The following PCDH15 variants were observed in gnomAD, a reference collection of about 807,000 sequenced individuals.
The protein encoded by PCDH15 is protocadherin related 15, also known as protocadherin-15.
Under a neutral mutation model 178.5 loss-of-function variants are expected in PCDH15, and 129 were observed. The ratio of observed to expected loss-of-function variants is 0.72; its 90% CI spans 0.63 to 0.84. The LOEUF is 0.84. Ranked by LOEUF, PCDH15 falls within the 40% of genes least tolerant of loss-of-function variation. PCDH15 has a pLI of 0.00. For missense variants in PCDH15, 2,230 were observed against 2,099.9 expected, an observed-to-expected ratio of 1.06 and a Z score of -1.21; for synonymous variants, 800 against 732.0, an observed-to-expected ratio of 1.09 and a Z score of -1.50.
chr10:54,860,243 C>A (rs1009583611), intron 3 of PCDH15, among the ~76,000 whole-genome samples: 1 of 152,090 alleles, frequency 6.6e-6, no homozygotes, highest in Non-Finnish European at 1.5e-5. Flanking sequence ...CTGATTCTAT[C>A]ACCCAGGTAG....
At chr10:54,355,755 A>C (rs1462383840) in intron 5 of PCDH15, among the ~76,000 whole-genome samples, 1 of 151,944 alleles carries the variant, frequency 6.6e-6, no homozygotes, top group Non-Finnish European at 1.5e-5. Context: ...TTACTGTCAG[A>C]AAAAAATTGG....
At chr10:54,250,745 A>G (rs574469579) in intron 8 of PCDH15, among the ~76,000 whole-genome samples, 19 of 152,330 alleles carry the variant, frequency 1.2e-4, no homozygotes, top group African/African-American at 4.3e-4. Context: ...CACAAAATTC[A>G]TGGAGATAAA....
At chr10:54,077,143 T>A (rs2094355819) in intron 17 of PCDH15, among the ~76,000 whole-genome samples, 1 of 152,152 alleles carries the variant, frequency 6.6e-6, no homozygotes, top group African/African-American at 2.4e-5. Context: ...ATCTAAATGC[T>A]TTCTACTCTA....
intron 1 of PCDH15, among the ~76,000 whole-genome samples, chr10:55,185,958 C>T (rs1839788816): frequency 2.6e-5 from 4 of 151,562 alleles, no homozygotes; most frequent in Admixed American, 2.6e-4. Context: ...AAAAATAATA[C>T]TGTTTATCCT....
chr10:54,262,408 G>A (rs2384429), intron 8 of PCDH15, among the ~76,000 whole-genome samples: 88,357 of 151,922 alleles, frequency 0.58, 27,822 homozygotes, highest in Middle Eastern at 0.71. Flanking sequence ...CAGACCTCAT[G>A]CCTGACCACT....
In PCDH15 at chr10:54,413,897, TGA is replaced by T. The variant is rs1325237030; in HGVS notation, c.158-34957_158-34956del. On this transcript the variant is annotated intron_variant, in intron 3 of 37. Coordinates refer to ENST00000644397, the MANE Select transcript of PCDH15 (RefSeq NM_001384140.1). ...GGGAGGGTGGGAGGAGGGTACTGGATGAGAGACTGCTTAATGGGTACAATGTA... is the reference window on the plus strand; with the variant it reads ...GGGAGGGTGGGAGGAGGGTACTGGATGAGACTGCTTAATGGGTACAATGTA... Among the ~76,000 whole-genome samples the T allele has an allele frequency of 4.6e-5, 7 of 152,234 alleles. No individual in the cohort carries two copies. In the East Asian group the frequency reaches 1.4e-3, roughly 30 times the overall value.
chr10:54,531,657 A>G (rs201725167), intron 2 of PCDH15, among the ~76,000 whole-genome samples: 1 of 152,134 alleles, frequency 6.6e-6, no homozygotes. Context: ...ACGTTGATCA[A>G]TGTGTTTTCA....
chr10:53,874,883 G>A (rs4376818), intron 26 of PCDH15, among the ~76,000 whole-genome samples: 111,331 of 151,786 alleles, frequency 0.73, 41,251 homozygotes, highest in East Asian at 0.87. Flanking sequence ...GAAAAGAAAT[G>A]AAAAAGTATC....
chr10:55,154,910 A>C lies in PCDH15; in HGVS notation c.-80+11666T>G, dbSNP rs777277754. 3.3e-5 allele frequency among the ~76,000 whole-genome samples: 5 copies of C among 152,146 alleles called. 1 individual carries two copies. Among genetic ancestry groups the C allele is most frequent in the African/African-American group, 7.2e-5 (3 of 41,426 alleles). ...TTCAAGGTGTGGTTCTCAGATTGCA[A>C]GATGAAGTAATTCACACCCCTGACA... On this transcript the variant is annotated intron_variant, in intron 2 of 5. Coordinates refer to the PCDH15 transcript ENST00000458638.
intron 2 of PCDH15, among the ~76,000 whole-genome samples, chr10:54,660,618 G>A (rs1243739579): frequency 6.6e-6 from 1 of 151,986 alleles, no homozygotes; most frequent in African/African-American, 2.4e-5. Context: ...TATGAAACCA[G>A]TATCATCCTG....
intron 18 of PCDH15, among the ~76,000 whole-genome samples, chr10:54,026,451 C>G (rs542319008): frequency 6.6e-6 from 1 of 152,150 alleles, no homozygotes; most frequent in East Asian, 1.9e-4. Flanking sequence ...GCATCCTCAC[C>G]AATAGAGTTT....
In PCDH15 at chr10:54,899,663, A is replaced by AT. The variant is rs777837834; in HGVS notation, c.-79-2164dup. Among the ~76,000 whole-genome samples, 297 of 151,912 alleles carry AT rather than the reference A, an allele frequency of 2.0e-3. 1 individual carries two copies. Among genetic ancestry groups the AT allele is most frequent in the Middle Eastern group, 3.4e-3 (1 of 294 alleles). On this transcript the variant is annotated intron_variant, in intron 2 of 5. Coordinates refer to the PCDH15 transcript ENST00000458638. ...AGGTGCCCACCACCAGGCCTGGCTAATTTTTTGTATTTTTAGTAGAGATGG... is the reference window on the plus strand; with the variant it reads ...AGGTGCCCACCACCAGGCCTGGCTAATTTTTTTGTATTTTTAGTAGAGATGG...
chr10:55,174,528 C>T (rs529997462), intron 1 of PCDH15, among the ~76,000 whole-genome samples: 9 of 152,264 alleles, frequency 5.9e-5, no homozygotes, highest in Admixed American at 5.9e-4. Flanking sequence ...TGTCCAAGGT[C>T]GCATATGTGC....
Position 55,143,147 on chromosome 10 carries a change from C to T in PCDH15, c.-80+23429G>A, listed in dbSNP as rs965285965. On this transcript the variant is annotated intron_variant, in intron 2 of 5. Transcript: ENST00000458638. ...CTTGCTTCCCCTTTACCTTCTGCCACGATTGTAAGTTTCCTGTGACCCCCT... is the reference window on the plus strand; with the variant it reads ...CTTGCTTCCCCTTTACCTTCTGCCATGATTGTAAGTTTCCTGTGACCCCCT... 5.3e-5 allele frequency among the ~76,000 whole-genome samples: 8 copies of T among 152,018 alleles called. No homozygotes were observed. In the East Asian group the frequency reaches 1.4e-3, roughly 26 times the overall value.
chr10:55,606,601 C>A (rs1273235366), intron 2 of PCDH15, among the ~76,000 whole-genome samples: 1 of 148,190 alleles, frequency 6.7e-6, no homozygotes, highest in Non-Finnish European at 1.5e-5. Context: ...TGCATATCTA[C>A]AAGTATCTGA....
intron 1 of PCDH15, among the ~76,000 whole-genome samples, chr10:54,771,850 C>T (rs2133273764): frequency 6.6e-6 from 1 of 152,156 alleles, no homozygotes; most frequent in Admixed American, 6.5e-5. Flanking sequence ...ATCAGTATCA[C>T]TATCTGAATA....
At chr10:55,490,836 T>C (rs1455946800) in intron 2 of PCDH15, among the ~76,000 whole-genome samples, 1 of 151,704 alleles carries the variant, frequency 6.6e-6, no homozygotes, top group Non-Finnish European at 1.5e-5. Flanking sequence ...AAAATCACGT[T>C]AAAGCATGTC....
intron 1 of PCDH15, among the ~76,000 whole-genome samples, chr10:54,736,035 T>C (rs548834356): frequency 6.6e-6 from 1 of 151,778 alleles, no homozygotes; most frequent in East Asian, 2.0e-4. Flanking sequence ...AAAAGAAATA[T>C]ACTTTCTGAA....
chr10:55,267,298 C>T (rs12780086), intron 1 of PCDH15, among the ~76,000 whole-genome samples: 7,639 of 152,110 alleles, frequency 0.05, 229 homozygotes, highest in Middle Eastern at 0.14. Context: ...TAATGTTGAA[C>T]CTCTAAAGAT....
Sources: gnomAD v4.1 joint callset for allele counts (sites outside exome capture counted in the v4.1 genomes callset) on GRCh38, gnomAD v4.1.1 for gene constraint, MANE v1.5 for transcripts, NCBI Gene and HGNC (gene_info 2026-07-23, HGNC 2026-07-21) for gene names.